Variants in HIVEP2 observed in about 807,000 individuals in gnomAD.
HIVEP2 encodes transcription factor HIVEP2.
Under a neutral mutation model 180.7 loss-of-function variants are expected in HIVEP2, and 14 were observed. The ratio of observed to expected loss-of-function variants is 0.08; its 90% CI spans 0.05 to 0.12. The LOEUF (loss-of-function observed/expected upper bound fraction) is 0.12, where lower values mean the gene tolerates loss of function less well. Ranked by LOEUF, HIVEP2 falls within the 10% of genes least tolerant of loss-of-function variation. HIVEP2 has a pLI of 1.00. For synonymous variants in HIVEP2, 1,184 were observed against 1,136.4 expected (o/e 1.04, Z -0.84); for missense variants, 2,579 against 3,008.5 (o/e 0.86, Z 3.34).
chr6:142,869,319 C>CA (rs1376471312), intron 1 of HIVEP2, among the ~76,000 whole-genome samples: 2 of 150,076 alleles, frequency 1.3e-5, no homozygotes, highest in African/African-American at 2.4e-5. Context: ...TGCATGTAGC[C>CA]AAAAAAAAGT....
rs772821900 is a variant in HIVEP2 at position 142,753,490 on chromosome 6, G to C, written c.6958C>G (p.Arg2320Gly). 1 of 1,613,958 alleles carries C rather than the reference G, an allele frequency of 6.2e-7. No homozygotes were observed. Residue 2320 changes from arginine (R) to glycine (G), a missense_variant, in exon 10 of 10, where the codon CGG becomes GGG. Around this residue, in one of 11 missense-constraint regions of HIVEP2, gnomAD observed 660 missense variants for 731.7 expected, o/e 0.90. Coordinates refer to ENST00000367603, the MANE Select transcript of HIVEP2 (RefSeq NM_006734.4). The stretch of plus-strand genomic sequence containing the variant: ...GTCTGTATATTTTCCTCCTGTTCCC[G>C]CTCTGTTGCGTTTAGGCTGTCTTCC... ...TSEDSLNATEREQEENIQTCT... is the reference protein window; with the variant it reads ...TSEDSLNATEGEQEENIQTCT...
At chr6:142,916,906 AC>A (rs1276798730) in intron 1 of HIVEP2, among the ~76,000 whole-genome samples, 3 of 152,248 alleles carry the variant, frequency 2.0e-5, no homozygotes, top group Admixed American at 2.0e-4. Flanking sequence ...TTAATTGTAT[AC>A]CATATTATGA....
At chr6:142,932,704 G>A (rs1427280220) in intron 1 of HIVEP2, among the ~76,000 whole-genome samples, 1 of 152,222 alleles carries the variant, frequency 6.6e-6, no homozygotes, top group Non-Finnish European at 1.5e-5. Context: ...GGGCTCAACT[G>A]CTGGTAACTA....
chr6:142,800,776 A>G (rs765356008), intron 2 of HIVEP2, among the ~76,000 whole-genome samples: 1 of 152,182 alleles, frequency 6.6e-6, no homozygotes, highest in Non-Finnish European at 1.5e-5. Context: ...GCTCTATTAT[A>G]TAAAACTGGA....
At chr6:142,804,987 TAAAC>T (rs1322302602) in intron 2 of HIVEP2, among the ~76,000 whole-genome samples, 2 of 152,058 alleles carry the variant, frequency 1.3e-5, no homozygotes, top group African/African-American at 2.4e-5. Flanking sequence ...CTCCCCAAAA[TAAAC>T]AAACAAACAA....
intron 1 of HIVEP2, among the ~76,000 whole-genome samples, chr6:142,927,407 T>C (rs897899277): frequency 6.6e-6 from 1 of 152,160 alleles, no homozygotes; most frequent in African/African-American, 2.4e-5. Context: ...TCGTTTTCTA[T>C]CTCCTTTCCA....
chr6:142,844,557 C>G, intron 1 of HIVEP2, among the ~76,000 whole-genome samples: 1 of 152,190 alleles, frequency 6.6e-6, no homozygotes, highest in East Asian at 1.9e-4. Context: ...GCCACAGTTA[C>G]TGTCCGAGGT....
At chr6:142,761,209 C>T (rs1177509143) in intron 8 of HIVEP2, among the ~76,000 whole-genome samples, 1 of 152,172 alleles carries the variant, frequency 6.6e-6, no homozygotes, top group Admixed American at 6.5e-5. Flanking sequence ...CAATTCTATT[C>T]CCTTCATAGA....
At chr6:142,932,248 A>G (rs555919617) in intron 1 of HIVEP2, among the ~76,000 whole-genome samples, 2 of 152,268 alleles carry the variant, frequency 1.3e-5, no homozygotes, top group East Asian at 3.9e-4. Context: ...ACTCTACTTC[A>G]TATTCCCATA....
chr6:142,926,843 G>C (rs1777824711), intron 1 of HIVEP2, among the ~76,000 whole-genome samples: 1 of 151,914 alleles, frequency 6.6e-6, no homozygotes, highest in Admixed American at 6.5e-5. Context: ...GGCGGCCGCC[G>C]GGCGCGGCGA....
Position 142,773,164 on chromosome 6 carries a change from G to C in HIVEP2, c.1575C>G (p.Gly525=), listed in dbSNP as rs370569674. 24 of 1,614,206 alleles carry C rather than the reference G, an allele frequency of 1.5e-5. No individual in the cohort carries two copies. The African/African-American group carries it at 2.8e-4, about 19-fold the overall frequency. The stretch of plus-strand genomic sequence containing the variant: ...GAGCTTCTAAGAGAACCGGGTTGCT[G>C]CCTTGGAAGTTTGCTGGATAAAGTT... ...EGKLYPANFQ[G]SNPVLLEAPV... The change falls in exon 5 of 10, where the codon GGC becomes GGG. Residue 525 remains glycine, a synonymous_variant. Coordinates refer to ENST00000367603, the MANE Select transcript of HIVEP2 (RefSeq NM_006734.4).
chr6:142,847,253 A>T (rs889197462), intron 1 of HIVEP2, among the ~76,000 whole-genome samples: 1 of 152,188 alleles, frequency 6.6e-6, no homozygotes, highest in East Asian at 1.9e-4. Context: ...TGCATAAAAC[A>T]TAGAGCTATT....
chr6:142,933,218 C>A (rs1777981293), intron 1 of HIVEP2, among the ~76,000 whole-genome samples: 1 of 152,212 alleles, frequency 6.6e-6, no homozygotes, highest in Admixed American at 6.5e-5. Flanking sequence ...GCCCCACTCA[C>A]TGCCTCGTTT....
chr6:142,792,150 A>G (rs1011456438), intron 2 of HIVEP2, among the ~76,000 whole-genome samples: 2 of 152,162 alleles, frequency 1.3e-5, no homozygotes, highest in African/African-American at 4.8e-5. Flanking sequence ...ACACAGAGAG[A>G]CATCAGTGGT....
intron 1 of HIVEP2, among the ~76,000 whole-genome samples, chr6:142,876,789 G>A (rs1196488844): frequency 2.0e-5 from 3 of 152,164 alleles, no homozygotes; most frequent in South Asian, 2.1e-4. Flanking sequence ...TTGGGAGGCC[G>A]AGGGAGGTGG....
intron 1 of HIVEP2, among the ~76,000 whole-genome samples, chr6:142,859,476 A>G (rs1775912441): frequency 6.6e-6 from 1 of 151,670 alleles, no homozygotes; most frequent in South Asian, 2.1e-4. Context: ...AAAAAAAAGA[A>G]AGAAAGAAAG....
chr6:142,928,942 C>T (rs1440317049), intron 1 of HIVEP2, among the ~76,000 whole-genome samples: 1 of 152,146 alleles, frequency 6.6e-6, no homozygotes. Context: ...ACTTGGCTTC[C>T]CAAACTGTAT....
At position 142,770,824 on chromosome 6, in the gene HIVEP2, T is replaced by C. The variant is rs373159225; in HGVS notation, c.3915A>G (p.Ser1305=). The change falls in exon 5 of 10, where the codon TCA becomes TCG. Residue 1305 remains serine, a synonymous_variant. Coordinates refer to ENST00000367603, the MANE Select transcript of HIVEP2 (RefSeq NM_006734.4). The surrounding 1 kb of genome is among the most constrained non-coding windows in gnomAD (Gnocchi z 4.7). The part of the protein sequence containing the change: ...PKFPSDQSSK[S]TETPSEQVLQ... ...GAACCTGCTCAGAGGGCGTTTCAGT[T>C]GACTTACTGCTCTGGTCTGATGGAA... is the stretch of plus-strand genomic sequence containing the variant. 110 of 1,614,074 alleles carry C rather than the reference T, an allele frequency of 6.8e-5. No homozygotes were observed. The highest frequency in any genetic ancestry group is 8.8e-5 in the Non-Finnish European group (104 of 1,180,034).
At chr6:142,819,275 A>G (rs1215185002) in intron 2 of HIVEP2, among the ~76,000 whole-genome samples, 1 of 152,124 alleles carries the variant, frequency 6.6e-6, no homozygotes, top group Non-Finnish European at 1.5e-5. Flanking sequence ...CTTGGGGTTC[A>G]AGGTCTATGT....
Sources: allele counts gnomAD v4.1 joint callset (sites outside exome capture counted in the v4.1 genomes callset), GRCh38; gene constraint gnomAD v4.1.1; regional missense constraint gnomAD v4.1.1; non-coding constraint Gnocchi (gnomAD v3.1); transcripts MANE v1.5; gene names NCBI Gene and HGNC (gene_info 2026-07-23, HGNC 2026-07-21).